The following UGT1A8 variants were observed in gnomAD, a reference collection of about 807,000 sequenced individuals.
The protein encoded by UGT1A8 is UDP glucuronosyltransferase family 1 member A8.
Under a neutral mutation model 45.3 loss-of-function variants are expected in UGT1A8, and 39 were observed. The observed-to-expected ratio is 0.86, with a 90% CI of 0.67 to 1.12. The LOEUF (loss-of-function observed/expected upper bound fraction) is 1.12. UGT1A8 is among the 50% of genes most tolerant of loss of function. The pLI, the probability that UGT1A8 is intolerant of heterozygous loss-of-function variation, is 0.00. For synonymous variants in UGT1A8, 275 were observed against 249.2 expected (o/e 1.10, Z -0.97); for missense variants, 719 against 664.9 (o/e 1.08, Z -0.90).
chr2:233,617,858 A>G lies in UGT1A8; in HGVS notation c.151A>G (p.Arg51Gly), dbSNP rs753461292. The G allele has an allele frequency of 1.1e-5, 18 of 1,614,060 alleles. No homozygotes were observed. The South Asian group carries it at 1.9e-4, about 17-fold the overall frequency. ...GTCGGTGGTGGAGAAACTTATCCTC[A>G]GGGGGCATGAGGTGGTTGTAGTCAT... ...MQSVVEKLILRGHEVVVVMPE... is the reference protein window; with the variant it reads ...MQSVVEKLILGGHEVVVVMPE... The change falls in exon 1 of 5, where the codon AGG (arginine) becomes GGG (glycine). Residue 51 changes from arginine (R) to glycine (G), a missense_variant. Coordinates refer to ENST00000373450, the MANE Select transcript of UGT1A8 (RefSeq NM_019076.5).
intron 1 of UGT1A8, among the ~76,000 whole-genome samples, chr2:233,683,644 C>T (rs1038099804): frequency 1.3e-5 from 2 of 152,092 alleles, no homozygotes; most frequent in African/African-American, 2.4e-5. Context: ...AAATTTTGCA[C>T]TTTATAAAAG....
chr2:233,677,270 T>C (rs909595005), intron 1 of UGT1A8, among the ~76,000 whole-genome samples: 1 of 152,220 alleles, frequency 6.6e-6, no homozygotes, highest in African/African-American at 2.4e-5. Context: ...AAGTATATCA[T>C]GTTTTTGATG....
chr2:233,656,176 A>G (rs1331687673), intron 1 of UGT1A8, among the ~76,000 whole-genome samples: 1 of 152,216 alleles, frequency 6.6e-6, no homozygotes, highest in Non-Finnish European at 1.5e-5. Context: ...TTGAACACAC[A>G]TGCATGTTAC....
At chr2:233,765,776 G>T (rs1408785034) in intron 1 of UGT1A8, among the ~76,000 whole-genome samples, 1 of 151,906 alleles carries the variant, frequency 6.6e-6, no homozygotes, top group South Asian at 2.1e-4. Flanking sequence ...GGGATTCATT[G>T]GACCACTGAA....
At chr2:233,681,525 CAT>C (rs1453831984) in intron 1 of UGT1A8, among the ~76,000 whole-genome samples, 1 of 103,324 alleles carries the variant, frequency 9.7e-6, no homozygotes, top group Non-Finnish European at 1.9e-5. Context: ...AGTGAGACTC[CAT>C]CTCAAAAAAA....
At chr2:233,699,749 C>G (rs1408864122) in intron 1 of UGT1A8, among the ~76,000 whole-genome samples, 1 of 152,124 alleles carries the variant, frequency 6.6e-6, no homozygotes, top group Non-Finnish European at 1.5e-5. Context: ...AAAACTAGAC[C>G]CCAGTTCCTC....
intron 1 of UGT1A8, among the ~76,000 whole-genome samples, chr2:233,748,848 A>G (rs1037972949): frequency 6.6e-6 from 1 of 151,534 alleles, no homozygotes; most frequent in Non-Finnish European, 1.5e-5. Flanking sequence ...CTGTGAGCGT[A>G]TAAGCCCAGT....
chr2:233,693,527 C>T, intron 1 of UGT1A8: 2 of 1,614,200 alleles, frequency 1.2e-6, no homozygotes, highest in Non-Finnish European at 1.7e-6. Flanking sequence ...CAGGGGTTTT[C>T]CGTGTTCCCT....
intron 1 of UGT1A8, among the ~76,000 whole-genome samples, chr2:233,660,568 A>G (rs2073942290): frequency 6.6e-6 from 1 of 152,174 alleles, no homozygotes; most frequent in South Asian, 2.1e-4. Flanking sequence ...AAAGACTGGG[A>G]GCTGGCGTTT....
chr2:233,620,518 TA>T (rs942068475), intron 1 of UGT1A8, among the ~76,000 whole-genome samples: 12 of 152,060 alleles, frequency 7.9e-5, no homozygotes, highest in Admixed American at 1.3e-4. Flanking sequence ...GAGATATCCA[TA>T]AAAAAAGGAA....
At chr2:233,622,657 G>A (rs1048143678) in intron 1 of UGT1A8, among the ~76,000 whole-genome samples, 24 of 152,154 alleles carry the variant, frequency 1.6e-4, no homozygotes, top group Middle Eastern at 6.8e-3. Flanking sequence ...TTGCAAAAAT[G>A]TTCTCCCATT....
intron 1 of UGT1A8, among the ~76,000 whole-genome samples, chr2:233,705,647 C>G (rs1279287310): frequency 6.6e-6 from 1 of 152,122 alleles, no homozygotes; most frequent in Non-Finnish European, 1.5e-5. Flanking sequence ...AGTTGAAGGT[C>G]TTCTCATAAA....
intron 1 of UGT1A8, among the ~76,000 whole-genome samples, chr2:233,709,017 G>T (rs756510737): frequency 1.3e-5 from 2 of 152,110 alleles, no homozygotes; most frequent in Non-Finnish European, 2.9e-5. Flanking sequence ...TAATACCCAA[G>T]CAGCAGGGGC....
chr2:233,760,032 T>C (rs1193675988), intron 1 of UGT1A8, among the ~76,000 whole-genome samples: 1 of 152,208 alleles, frequency 6.6e-6, no homozygotes, highest in Non-Finnish European at 1.5e-5. Context: ...GTTCTGGAAG[T>C]ACTTTGCTGT....
chr2:233,772,992 CT>C lies in UGT1A8; in HGVS notation c.*434del. The C allele has an allele frequency of 1.2e-5, 3 of 257,330 alleles. No individual in the cohort carries two copies. Among genetic ancestry groups the C allele is most frequent in the South Asian group, 5.0e-5 (1 of 19,850 alleles). The allele number at this position is 257,330 out of a possible 1,614,324, so 15.9% of individuals were successfully genotyped here. Reference sequence around the variant, plus strand: ...TTAACCAATAATGGTCAGTCCTCATCTCTGTCGTGCTTCATAGGTGCCACCT... The same window carrying C: ...TTAACCAATAATGGTCAGTCCTCATCCTGTCGTGCTTCATAGGTGCCACCT... On this transcript the variant is annotated 3_prime_UTR_variant, in exon 5 of 5. Transcript: ENST00000373450.
chr2:233,666,074 C>T (rs548114195), intron 1 of UGT1A8, among the ~76,000 whole-genome samples: 33 of 152,314 alleles, frequency 2.2e-4, no homozygotes, highest in African/African-American at 6.7e-4. Context: ...CCGCATCTGG[C>T]GAGAGACTCA....
At chr2:233,624,329 T>C (rs550916098) in intron 1 of UGT1A8, among the ~76,000 whole-genome samples, 3 of 152,112 alleles carry the variant, frequency 2.0e-5, no homozygotes, top group Non-Finnish European at 4.4e-5. Context: ...CCTGGTCAGG[T>C]GTCCTGTAGA....
chr2:233,740,214 A>G (rs2018985), intron 1 of UGT1A8, among the ~76,000 whole-genome samples: 70,303 of 151,600 alleles, frequency 0.46, 18,208 homozygotes, highest in African/African-American at 0.69. Flanking sequence ...ACCCAGTCTC[A>G]GCTGCGTCTT....
intron 1 of UGT1A8, among the ~76,000 whole-genome samples, chr2:233,737,662 C>T (rs972377767): frequency 1.3e-5 from 2 of 152,186 alleles, no homozygotes; most frequent in East Asian, 1.9e-4. Flanking sequence ...AGCTGCAGAT[C>T]GGAGCTGTTC....
Sources: gnomAD v4.1 joint callset for allele counts (sites outside exome capture counted in the v4.1 genomes callset) on GRCh38, gnomAD v4.1.1 for gene constraint, MANE v1.5 for transcripts, NCBI Gene and HGNC (gene_info 2026-07-23, HGNC 2026-07-21) for gene names.